The following CRYBG3 variants were observed in gnomAD, a reference collection of about 807,000 sequenced individuals.
CRYBG3 encodes crystallin beta-gamma domain containing 3, also known as very large A-kinase anchor protein.
CRYBG3 carries 127 observed loss-of-function variants against 244.2 expected under a neutral mutation model. The observed-to-expected ratio is 0.52, with a 90% CI of 0.45 to 0.60. The LOEUF is 0.60. Ranked by LOEUF, CRYBG3 falls within the 20% of genes least tolerant of loss-of-function variation. The pLI, the probability that CRYBG3 is intolerant of heterozygous loss-of-function variation, is 0.00. For missense variants in CRYBG3, 3,325 were observed against 3,442.5 expected, an observed-to-expected ratio of 0.97 and a Z score of 0.85; for synonymous variants, 1,132 against 1,195.8, an observed-to-expected ratio of 0.95 and a Z score of 1.10.
chr3:97,913,392 T>G (rs2039895091), intron 16 of CRYBG3, among the ~76,000 whole-genome samples: 1 of 152,200 alleles, frequency 6.6e-6, no homozygotes. Flanking sequence ...TGAATATTTT[T>G]GACTTTGTGG....
rs1166064895 is a variant in CRYBG3, at chr3:97,917,645, AGTGTTTT to A, written c.8241+1912_8241+1918del. On this transcript the variant is annotated intron_variant, in intron 17 of 21. Coordinates refer to ENST00000389622, the MANE Select transcript of CRYBG3 (RefSeq NM_153605.4). ...GCTATGTAAACCAGAAGGTCAATTT[AGTGTTTT>A]GTAATAAGTGGATTCTAGTGACTGG... Among the ~76,000 whole-genome samples the A allele has an allele frequency of 1.2e-4, 19 of 152,222 alleles. No individual in the cohort carries two copies. In the East Asian group the frequency reaches 3.3e-3, roughly 26 times the overall value.
chr3:97,899,311 C>G, intron 14 of CRYBG3, 48 bp downstream of exon 14: 1 of 1,558,008 alleles, frequency 6.4e-7, no homozygotes, highest in Non-Finnish European at 8.7e-7. Context: ...TAATAGTATG[C>G]AATTAAATAT....
At chr3:97,885,845 A>G (rs143016090) in intron 7 of CRYBG3, among the ~76,000 whole-genome samples, 114 of 152,300 alleles carry the variant, frequency 7.5e-4, no homozygotes, top group African/African-American at 2.4e-3. Flanking sequence ...GAGGAAAGTG[A>G]TGTTCTAACA....
At chr3:97,912,572 A>C (rs560445677) in intron 16 of CRYBG3, among the ~76,000 whole-genome samples, 77 of 152,316 alleles carry the variant, frequency 5.1e-4, no homozygotes, top group African/African-American at 1.8e-3. Flanking sequence ...TTACCGTCTC[A>C]CATAGTAGAA....
intron 2 of CRYBG3, among the ~76,000 whole-genome samples, chr3:97,853,035 T>G (rs2039010152): frequency 6.6e-6 from 1 of 152,150 alleles, no homozygotes; most frequent in Admixed American, 6.6e-5. Context: ...TTTAATAGTT[T>G]AGTAGCACAG....
At chr3:97,912,045 T>C (rs145366973) in intron 15 of CRYBG3, 122 bp from the exon 16 acceptor site, 2 of 480,114 alleles carry the variant, frequency 4.2e-6, no homozygotes, top group East Asian at 3.4e-5. Flanking sequence ...TGATAATAGA[T>C]AAAACATGAG....
chr3:97,827,232 G>C (rs11711257), intron 1 of CRYBG3, among the ~76,000 whole-genome samples: 67,523 of 151,948 alleles, frequency 0.44, 16,217 homozygotes, highest in East Asian at 0.67. Flanking sequence ...AAGGTCAGGG[G>C]CTTTGTCTTC....
intron 17 of CRYBG3, among the ~76,000 whole-genome samples, chr3:97,927,933 A>C (rs1228265783): frequency 6.6e-6 from 1 of 152,014 alleles, no homozygotes; most frequent in African/African-American, 2.4e-5. Flanking sequence ...TGTGGAGAAA[A>C]GGGAATGTTT....
At chr3:97,916,480 G>A (rs1460366644) in intron 17 of CRYBG3, among the ~76,000 whole-genome samples, 2 of 152,082 alleles carry the variant, frequency 1.3e-5, no homozygotes, top group African/African-American at 4.8e-5. Context: ...TCAATTCTGG[G>A]CCCCTAGTCA....
chr3:97,856,132 C>T (rs895366200), intron 2 of CRYBG3, among the ~76,000 whole-genome samples: 6 of 152,020 alleles, frequency 3.9e-5, no homozygotes, highest in African/African-American at 7.2e-5. Flanking sequence ...CCCCCAGGCA[C>T]GTATTCTCTT....
rs1274517404 is a variant in CRYBG3 at position 97,872,558 on chromosome 3, T to C, written c.1364T>C (p.Leu455Ser). 6.5e-7 allele frequency: 1 copy of C among 1,536,010 alleles called. No individual in the cohort carries two copies. The part of the protein sequence containing the change: ...SDTTEQESTN[L>S]PSPNKSIRHE... Reference sequence around the variant, plus strand: ...ACTACTGAGCAGGAAAGTACAAATTTGCCAAGTCCAAATAAATCAATTAGG... The same window carrying C: ...ACTACTGAGCAGGAAAGTACAAATTCGCCAAGTCCAAATAAATCAATTAGG... The change falls in exon 4 of 22, where the codon TTG becomes TCG. Residue 455 changes from leucine (L) to serine (S), a missense_variant. This residue lies in a region of CRYBG3 where 1,526 missense variants were observed against 1,443.2 expected (regional missense o/e 1.06). Transcript: ENST00000389622.
chr3:97,879,803 G>C, intron 5 of CRYBG3, 55 bp downstream of exon 5: 1 of 1,308,186 alleles, frequency 7.6e-7, no homozygotes, highest in South Asian at 1.3e-5. Context: ...TAACTTTCAG[G>C]CTTGAGGAAT....
At position 97,886,714 on chromosome 3, in the gene CRYBG3, T is replaced by A. The variant is rs748899301; in HGVS notation, c.7236T>A (p.Asn2412Lys). ...TCTACATACAGAGAGCAGTCCCCAATTTGGAAGAACTGAATATCTCCAAAT... is the reference window on the plus strand; with the variant it reads ...TCTACATACAGAGAGCAGTCCCCAAATTGGAAGAACTGAATATCTCCAAAT... ...CPVYIQRAVP[N>K]LEELNISKSV... is the part of the protein sequence containing the mutation. The change falls in exon 8 of 22, where the codon AAT becomes AAA. Residue 2412 changes from asparagine (N) to lysine (K), a missense_variant. Asn to Lys is a moderately conservative substitution (Grantham distance 94). Transcript: ENST00000389622. The A allele has an allele frequency of 2.2e-5, 36 of 1,612,550 alleles. No individual in the cohort carries two copies. The South Asian group carries it at 3.1e-4, about 14-fold the overall frequency.
chr3:97,843,065 GTA>G, intron 1 of CRYBG3, 128 bp from the exon 2 acceptor site: 1 of 576,866 alleles, frequency 1.7e-6, no homozygotes, highest in Non-Finnish European at 3.0e-6. Flanking sequence ...TATATCCTTG[GTA>G]TAACATGGTG....
intron 15 of CRYBG3, among the ~76,000 whole-genome samples, chr3:97,909,769 A>G (rs1244103291): frequency 6.6e-6 from 1 of 150,920 alleles, no homozygotes; most frequent in Non-Finnish European, 1.5e-5. Context: ...TTCTCCATCC[A>G]GCTTTGTTCC....
At chr3:97,941,381 C>T (rs927997525) in intron 20 of CRYBG3, 75 bp downstream of exon 20, 1 of 1,076,230 alleles carries the variant, frequency 9.3e-7, no homozygotes, top group Non-Finnish European at 1.3e-6. Context: ...CCTGTCAAAT[C>T]AACTGGCATG....
chr3:97,887,219 G>A (rs1431786812), intron 8 of CRYBG3, among the ~76,000 whole-genome samples: 1 of 152,140 alleles, frequency 6.6e-6, no homozygotes, highest in Non-Finnish European at 1.5e-5. Flanking sequence ...CTACTAGCCG[G>A]TAAGCATGGA....
At chr3:97,887,717 T>C (rs1486499631) in intron 8 of CRYBG3, among the ~76,000 whole-genome samples, 3 of 152,016 alleles carry the variant, frequency 2.0e-5, no homozygotes, top group African/African-American at 4.8e-5. Flanking sequence ...GATAGCACCA[T>C]TGCACTCCAG....
At chr3:97,893,587 T>A (rs571217126) in intron 11 of CRYBG3, among the ~76,000 whole-genome samples, 1 of 152,362 alleles carries the variant, frequency 6.6e-6, no homozygotes, top group East Asian at 1.9e-4. Context: ...GATGTACCTT[T>A]ATATTCGTAT....
Sources: gnomAD v4.1 joint callset for allele counts (sites outside exome capture counted in the v4.1 genomes callset) on GRCh38, gnomAD v4.1.1 for gene constraint, gnomAD v4.1.1 regional missense constraint, MANE v1.5 for transcripts, NCBI Gene and HGNC (gene_info 2026-07-23, HGNC 2026-07-21) for gene names.